Variants in ZBTB20 observed in about 807,000 individuals in gnomAD.
The protein encoded by ZBTB20 is zinc finger and BTB domain-containing protein 20.
Under a neutral mutation model 56.9 loss-of-function variants are expected in ZBTB20, and 9 were observed. The observed-to-expected ratio is 0.16, with a 90% CI of 0.10 to 0.28. The LOEUF (loss-of-function observed/expected upper bound fraction) is 0.28, where lower values mean the gene tolerates loss of function less well. Ranked by LOEUF, ZBTB20 falls within the 10% of genes least tolerant of loss-of-function variation. The probability of loss-of-function intolerance (pLI) is 1.00; values close to 1 mark genes in which losing one functional copy is unlikely to be tolerated. For missense variants in ZBTB20, 655 were observed against 1,003.0 expected (o/e 0.65, Z 4.69); for synonymous variants, 417 against 420.7 (o/e 0.99, Z 0.11).
At chr3:114,966,578 G>A (rs1202572014) in intron 3 of ZBTB20, among the ~76,000 whole-genome samples, 1 of 151,932 alleles carries the variant, frequency 6.6e-6, no homozygotes, top group Non-Finnish European at 1.5e-5. Context: ...CTTAAACCCA[G>A]AGAACTAAAG....
At chr3:114,559,342 G>A (rs1031396606) in intron 6 of ZBTB20, among the ~76,000 whole-genome samples, 1 of 152,108 alleles carries the variant, frequency 6.6e-6, no homozygotes, top group Non-Finnish European at 1.5e-5. Flanking sequence ...CTAATTAAAA[G>A]CCAGGACCTC....
intron 3 of ZBTB20, among the ~76,000 whole-genome samples, chr3:114,952,275 T>C (rs533004819): frequency 1.3e-5 from 2 of 151,974 alleles, no homozygotes; most frequent in South Asian, 2.1e-4. Flanking sequence ...CAGGAGTGAG[T>C]TGTTGATAAA....
chr3:114,593,012 T>C (rs1689147712), intron 6 of ZBTB20, among the ~76,000 whole-genome samples: 2 of 152,064 alleles, frequency 1.3e-5, no homozygotes, highest in Admixed American at 6.6e-5. Context: ...CACTATGACA[T>C]AGGGAAAAAC....
intron 2 of ZBTB20, among the ~76,000 whole-genome samples, chr3:115,063,656 C>T (rs1344774766): frequency 1.8e-5 from 1 of 55,190 alleles, no homozygotes; most frequent in African/African-American, 4.5e-5. Context: ...CAAAGCAACA[C>T]ACACACACAC....
chr3:114,639,963 A>T (rs1415920515), intron 6 of ZBTB20, among the ~76,000 whole-genome samples: 1 of 152,110 alleles, frequency 6.6e-6, no homozygotes, highest in Non-Finnish European at 1.5e-5. Context: ...CAGTCCTAAT[A>T]CTGTCAAATT....
chr3:114,821,394 A>C (rs530688891), intron 4 of ZBTB20, among the ~76,000 whole-genome samples: 2 of 152,220 alleles, frequency 1.3e-5, no homozygotes, highest in South Asian at 4.1e-4. Context: ...ACATCAATCA[A>C]GTATGTATGA....
chr3:114,352,058 A>G, intron 10 of ZBTB20, 180 bp from the exon 11 acceptor site: 1 of 784,770 alleles, frequency 1.3e-6, no homozygotes, highest in Non-Finnish European at 1.9e-6. Context: ...GACCTGAGGG[A>G]AAAGGACCTT....
chr3:114,534,243 T>C (rs2048194499), intron 6 of ZBTB20, among the ~76,000 whole-genome samples: 1 of 151,782 alleles, frequency 6.6e-6, no homozygotes, highest in Non-Finnish European at 1.5e-5. Flanking sequence ...AGGAGACCCA[T>C]CTCACGTACA....
At chr3:114,451,477 CT>C (rs1576820675) in intron 7 of ZBTB20, among the ~76,000 whole-genome samples, 1 of 152,054 alleles carries the variant, frequency 6.6e-6, no homozygotes, top group African/African-American at 2.4e-5. Flanking sequence ...AATGAGGTTT[CT>C]TTTTGGCAAA....
chr3:114,803,779 GTTT>G (rs34171249), intron 4 of ZBTB20, among the ~76,000 whole-genome samples: 96,761 of 144,432 alleles, frequency 0.67, 36,879 homozygotes, highest in East Asian at 0.95. Context: ...TCAACTTTCT[GTTT>G]TTTTTTTTTT....
chr3:114,440,398 TG>T (rs1366333099), intron 7 of ZBTB20, among the ~76,000 whole-genome samples: 14 of 152,162 alleles, frequency 9.2e-5, no homozygotes. Context: ...ACTATGGAAT[TG>T]GGTATCCTTT....
At chr3:114,682,988 A>T (rs1385322433) in intron 6 of ZBTB20, among the ~76,000 whole-genome samples, 1 of 152,198 alleles carries the variant, frequency 6.6e-6, no homozygotes, top group Non-Finnish European at 1.5e-5. Context: ...AGTTGTCAAT[A>T]GTTTATTCTC....
chr3:114,475,781 T>C (rs942549215), intron 7 of ZBTB20, among the ~76,000 whole-genome samples: 1 of 152,196 alleles, frequency 6.6e-6, no homozygotes, highest in Non-Finnish European at 1.5e-5. Context: ...TTCAAATATG[T>C]AGCATTATTT....
At chr3:114,412,050 G>T (rs559017226) in intron 7 of ZBTB20, among the ~76,000 whole-genome samples, 148 of 152,228 alleles carry the variant, frequency 9.7e-4, no homozygotes, top group African/African-American at 3.3e-3. Context: ...TTCAGTACAA[G>T]CAAGTATAAT....
chr3:114,963,608 A>C (rs2077535852), intron 3 of ZBTB20, among the ~76,000 whole-genome samples: 1 of 152,208 alleles, frequency 6.6e-6, no homozygotes, highest in Non-Finnish European at 1.5e-5. Context: ...CATATTAAAA[A>C]ATGTTTCAAA....
intron 5 of ZBTB20, among the ~76,000 whole-genome samples, chr3:114,798,965 G>T (rs2071523297): frequency 1.3e-5 from 2 of 151,572 alleles, no homozygotes; most frequent in South Asian, 4.2e-4. Flanking sequence ...TGGGGAAGAG[G>T]GGCAGATAAA....
At chr3:114,818,259 T>C (rs1232404970) in intron 4 of ZBTB20, among the ~76,000 whole-genome samples, 1 of 152,154 alleles carries the variant, frequency 6.6e-6, no homozygotes, top group Non-Finnish European at 1.5e-5. Context: ...ATTTTACATT[T>C]AAACAATTTT....
chr3:114,719,708 T>C (rs1369420264), intron 5 of ZBTB20, among the ~76,000 whole-genome samples: 1 of 152,090 alleles, frequency 6.6e-6, no homozygotes, highest in East Asian at 1.9e-4. Flanking sequence ...ACTACAAATA[T>C]TGTTCTCTGG....
intron 4 of ZBTB20, among the ~76,000 whole-genome samples, chr3:114,870,009 C>A (rs971539779): frequency 6.6e-6 from 1 of 152,094 alleles, no homozygotes; most frequent in Admixed American, 6.6e-5. Context: ...AGGGTGGCAC[C>A]AAGTTCCCAC....
Sources: gnomAD v4.1 joint callset for allele counts (sites outside exome capture counted in the v4.1 genomes callset) on GRCh38, gnomAD v4.1.1 for gene constraint, MANE v1.5 for transcripts, NCBI Gene and HGNC (gene_info 2026-07-23, HGNC 2026-07-21) for gene names.